FAM187A: variants seen among roughly 807,000 people sequenced by gnomAD.
FAM187A encodes Ig-like V-type domain-containing protein FAM187A.
A neutral mutation model predicts 6.4 loss-of-function variants in FAM187A; 4 were observed. The ratio of observed to expected loss-of-function variants is 0.63; its 90% confidence interval spans 0.31 to 1.44. FAM187A has a LOEUF of 1.44. FAM187A is among the 40% of genes most tolerant of loss of function. FAM187A has a pLI of 0.07. For missense variants in FAM187A, 463 were observed against 542.2 expected, an observed-to-expected ratio of 0.85 and a Z score of 1.45; for synonymous variants, 221 against 213.4, an observed-to-expected ratio of 1.04 and a Z score of -0.31.
exon 4 of FAM187A, chr17:44,904,863 G>T (rs1383310508): frequency 3.2e-6 from 5 of 1,550,654 alleles, no homozygotes; most frequent in Non-Finnish European, 4.4e-6. Context: ...ATCTACTATT[G>T]CTGGAGGCAG....
chr17:44,903,683 C>T, exon 4 of FAM187A: 2 of 1,436,196 alleles, frequency 1.4e-6, no homozygotes, highest in Non-Finnish European at 1.8e-6. Context: ...CACTTGGCGG[C>T]TTCCTCTGCA....
chr17:44,904,788 T>C (rs2051626830), exon 4 of FAM187A: 2 of 1,550,544 alleles, frequency 1.3e-6, no homozygotes, highest in Non-Finnish European at 1.7e-6. Flanking sequence ...AACAGGTCCA[T>C]GAGGGTGTTC....
chr17:44,904,330 T>C (rs1334775109), exon 4 of FAM187A: 4 of 1,543,210 alleles, frequency 2.6e-6, no homozygotes, highest in Non-Finnish European at 3.5e-6. Context: ...GGCACCTCCA[T>C]GTCTTCACCA....
At chr17:44,904,368 G>A (rs1283350094) in exon 4 of FAM187A, 45 of 1,543,156 alleles carry the variant, frequency 2.9e-5, no homozygotes, top group Middle Eastern at 1.7e-4. Context: ...CCCTGTGACC[G>A]CTGCGGAGTG....
At chr17:44,904,437 G>A (rs747035557) in exon 4 of FAM187A, 9 of 1,540,632 alleles carry the variant, frequency 5.8e-6, no homozygotes, top group East Asian at 4.9e-5. Flanking sequence ...CTCTCCCCAC[G>A]CTACCTCAAG....
exon 4 of FAM187A, chr17:44,903,651 C>T (rs1294164499): frequency 7.0e-7 from 1 of 1,433,140 alleles, no homozygotes; most frequent in Non-Finnish European, 9.1e-7. Context: ...TCTTGTACAT[C>T]CACTGGGAAT....
exon 4 of FAM187A, chr17:44,903,727 T>A: frequency 6.9e-7 from 1 of 1,448,032 alleles, no homozygotes. Flanking sequence ...GCATAATCCT[T>A]TCCTCATCTA....
At chr17:44,904,476 C>T in exon 4 of FAM187A, 1 of 1,547,138 alleles carries the variant, frequency 6.5e-7, no homozygotes, top group Non-Finnish European at 8.7e-7. Context: ...TCTTGTGGCT[C>T]AAGGGCTGTG....
Position 44,904,960 on chromosome 17 carries a change from T to C in FAM187A, c.1131T>C (p.Ala377=), listed in dbSNP as rs767850260. The stretch of plus-strand genomic sequence containing the variant: ...TCTCAGATCCTGAGACTCGCTCGGC[T>C]GTGGAGCTCACCCTGATAGGCTACC... Residue 377 remains alanine (A), a synonymous_variant, in exon 4 of 4, where the codon GCT becomes GCC. Coordinates refer to ENST00000331733, the Ensembl canonical transcript of FAM187A. The C allele has an allele frequency of 1.9e-6, 3 of 1,550,650 alleles. No homozygotes were observed. The South Asian group carries it at 3.6e-5, about 18-fold the overall frequency.
At chr17:44,904,328 C>A in exon 4 of FAM187A, 1 of 1,543,140 alleles carries the variant, frequency 6.5e-7, no homozygotes, top group Non-Finnish European at 8.8e-7. Flanking sequence ...TGGGCACCTC[C>A]ATGTCTTCAC....
chr17:44,904,044 G>T, exon 4 of FAM187A: 1 of 1,550,616 alleles, frequency 6.4e-7, no homozygotes, highest in Non-Finnish European at 8.7e-7. Flanking sequence ...AAGCACCTAG[G>T]TAGCAGCCAC....
chr17:44,904,728 G>C, exon 4 of FAM187A: 2 of 1,550,566 alleles, frequency 1.3e-6, no homozygotes, highest in Non-Finnish European at 1.7e-6. Context: ...GCAGTGGCCT[G>C]GGACAAAGAC....
At chr17:44,904,774 T>C (rs1280448189) in exon 4 of FAM187A, 1 of 1,550,400 alleles carries the variant, frequency 6.4e-7, no homozygotes, top group Non-Finnish European at 8.7e-7. Context: ...ACCTGAAGGG[T>C]GTCAACAGGT....
chr17:44,904,168 C>T, exon 4 of FAM187A: 1 of 1,550,366 alleles, frequency 6.5e-7, no homozygotes, highest in Non-Finnish European at 8.7e-7. Context: ...TGTTGGTTTT[C>T]AGGGCTCAGT....
exon 4 of FAM187A, chr17:44,905,011 C>G (rs1487246537): frequency 6.4e-7 from 1 of 1,550,732 alleles, no homozygotes. Context: ...TCTTTGTCAC[C>G]ATTCACTTCT....
In FAM187A at chr17:44,904,798, C is replaced by T. The variant is rs1386833202; in HGVS notation, c.969C>T (p.Phe323=). ...GTGTCAACAGGTCCATGAGGGTGTT[C>T]ATTGACCACGGCAACCAGCTCCACA... The change falls in exon 4 of 4, where the codon TTC becomes TTT. Residue 323 remains phenylalanine (F), a synonymous_variant. Transcript: ENST00000331733. The T allele has an allele frequency of 1.9e-6, 3 of 1,550,544 alleles. No homozygotes were observed. In the East Asian group the frequency reaches 7.3e-5, roughly 38 times the overall value.
exon 4 of FAM187A, chr17:44,904,278 T>C (rs2051614123): frequency 6.5e-7 from 1 of 1,550,128 alleles, no homozygotes; most frequent in Non-Finnish European, 8.7e-7. Flanking sequence ...GTGGCCACTT[T>C]CCAGGACAAG....
exon 4 of FAM187A, chr17:44,904,920 A>G (rs3744473): frequency 0.27 from 421,844 of 1,550,332 alleles, 57,629 homozygotes; most frequent in South Asian, 0.28. Context: ...TCTCATGGGC[A>G]CTACCCAGCC....
chr17:44,905,092 G>A, exon 4 of FAM187A: 1 of 1,498,576 alleles, frequency 6.7e-7, no homozygotes, highest in Non-Finnish European at 9.0e-7. Context: ...CAGCTCTGAA[G>A]ACCAGTTGTC....
Sources: gnomAD v4.1 joint callset for allele counts on GRCh38, gnomAD v4.1.1 for gene constraint, MANE v1.5 for transcripts, NCBI Gene and HGNC (gene_info 2026-07-23, HGNC 2026-07-21) for gene names.